FAM13A: variants seen among roughly 807,000 people sequenced by gnomAD.
FAM13A encodes family with sequence similarity 13 member A.
Under a neutral mutation model 129.6 loss-of-function variants are expected in FAM13A, and 76 were observed. The observed-to-expected ratio is 0.59, with a 90% CI of 0.49 to 0.71. The LOEUF (loss-of-function observed/expected upper bound fraction) is 0.71, where lower values mean the gene tolerates loss of function less well. Among genes scored for constraint, FAM13A ranks in the 30% least tolerant of loss-of-function variants. The pLI, the probability that FAM13A is intolerant of heterozygous loss-of-function variation, is 0.00. For missense variants in FAM13A, 1,108 were observed against 1,249.3 expected (o/e 0.89, Z 1.70); for synonymous variants, 443 against 449.9 (o/e 0.98, Z 0.20).
At chr4:88,796,013 T>A (rs1483521399) in intron 8 of FAM13A, among the ~76,000 whole-genome samples, 1 of 151,774 alleles carries the variant, frequency 6.6e-6, no homozygotes, top group Non-Finnish European at 1.5e-5. Context: ...CGAATTCAAG[T>A]ATCAGTTCTG....
At position 89,057,083 on chromosome 4, in the gene FAM13A, A is replaced by G. The variant is rs1399375314; in HGVS notation, c.-119T>C. Reference sequence around the variant, plus strand: ...TGATGTGAAAAACAGCTCCCAATGCAAAGGCCCCAAGGTAAGCGAAGAGCA... The same window carrying G: ...TGATGTGAAAAACAGCTCCCAATGCGAAGGCCCCAAGGTAAGCGAAGAGCA... On this transcript the variant is annotated 5_prime_UTR_variant, in exon 1 of 24. Transcript: ENST00000264344. 1 of 1,541,088 alleles carries G rather than the reference A, an allele frequency of 6.5e-7. No individual in the cohort carries two copies. The highest frequency in any genetic ancestry group is 1.4e-5 in the African/African-American group (1 of 72,484).
At chr4:88,976,905 C>G (rs933125603) in intron 4 of FAM13A, among the ~76,000 whole-genome samples, 1 of 152,086 alleles carries the variant, frequency 6.6e-6, no homozygotes, top group Non-Finnish European at 1.5e-5. Context: ...AGTACAGTAA[C>G]ATGGTGTACA....
At chr4:88,919,618 G>A (rs1470758289) in intron 5 of FAM13A, among the ~76,000 whole-genome samples, 2 of 152,220 alleles carry the variant, frequency 1.3e-5, no homozygotes, top group African/African-American at 4.8e-5. Flanking sequence ...CAGCATGAGC[G>A]ACGCAGAAGA....
chr4:88,873,350 G>A (rs946907546), intron 6 of FAM13A, among the ~76,000 whole-genome samples: 4 of 152,104 alleles, frequency 2.6e-5, no homozygotes, highest in East Asian at 1.9e-4. Flanking sequence ...ATGAATCCAG[G>A]AGCTGGTTTT....
chr4:88,901,388 C>A (rs987669349), intron 6 of FAM13A, among the ~76,000 whole-genome samples: 4 of 151,966 alleles, frequency 2.6e-5, no homozygotes, highest in African/African-American at 9.7e-5. Context: ...ATCACATAAT[C>A]GGAAGTAAAA....
chr4:88,859,613 G>T (rs1055483307), intron 6 of FAM13A, among the ~76,000 whole-genome samples: 1 of 152,204 alleles, frequency 6.6e-6, no homozygotes. Context: ...TTACAAGAGA[G>T]GAAGCATGAA....
Position 88,931,138 on chromosome 4 carries a change from G to A in FAM13A, c.759+6950C>T, listed in dbSNP as rs1752968034. ...ACAGCAGCTCACAGCAGGGTGGCAG[G>A]GACCCTCCCATGGGTGCATGGGAGT... On this transcript the variant is annotated intron_variant, in intron 5 of 23. Transcript: ENST00000264344. Among the ~76,000 whole-genome samples, 12 of 152,102 alleles carry A rather than the reference G, an allele frequency of 7.9e-5. No homozygotes were observed. In the South Asian group the frequency reaches 2.5e-3, roughly 32 times the overall value.
At chr4:88,872,926 T>C (rs1244505963) in intron 6 of FAM13A, among the ~76,000 whole-genome samples, 2 of 152,068 alleles carry the variant, frequency 1.3e-5, no homozygotes, top group Admixed American at 6.5e-5. Context: ...TAACAGAAAT[T>C]ATAACAAACT....
intron 6 of FAM13A, among the ~76,000 whole-genome samples, chr4:88,877,945 T>C (rs544755745): frequency 6.6e-6 from 1 of 152,232 alleles, no homozygotes; most frequent in Non-Finnish European, 1.5e-5. Flanking sequence ...TTTGTGAACA[T>C]TTTCTGACAC....
intron 11 of FAM13A, 108 bp downstream of exon 11, chr4:88,781,057 C>A: frequency 1.5e-6 from 1 of 664,174 alleles, no homozygotes; most frequent in Non-Finnish European, 2.4e-6. Context: ...AGGTCTCTTC[C>A]AGCACTCAAA....
At chr4:88,739,161 T>C in intron 19 of FAM13A, 36 bp from the exon 20 acceptor site, 2 of 1,452,704 alleles carry the variant, frequency 1.4e-6, no homozygotes, top group East Asian at 2.3e-5. Flanking sequence ...AGAAGCCTGC[T>C]GCTGGGAGTC....
intron 21 of FAM13A, among the ~76,000 whole-genome samples, chr4:88,735,924 A>G (rs1738889167): frequency 6.6e-6 from 1 of 152,218 alleles, no homozygotes; most frequent in Non-Finnish European, 1.5e-5. Flanking sequence ...TCATTAGGTT[A>G]TCTTCAATTC....
At chr4:88,758,042 G>A (rs1049608477) in intron 14 of FAM13A, among the ~76,000 whole-genome samples, 2 of 152,182 alleles carry the variant, frequency 1.3e-5, no homozygotes, top group African/African-American at 4.8e-5. Flanking sequence ...GTGTTTGGAT[G>A]CAGACACATG....
At position 88,942,797 on chromosome 4, in the gene FAM13A, T is replaced by C. The variant is rs570439479; in HGVS notation, c.606-4556A>G. 7.9e-5 allele frequency among the ~76,000 whole-genome samples: 12 copies of C among 152,242 alleles called. 1 individual carries two copies. The South Asian group carries it at 2.5e-3, about 32-fold the overall frequency. ...CCTATTTTCTTTGAAAAAAATAGTC[T>C]CCTTACAAGGTGAAAAATTGAGCTT... is the stretch of plus-strand genomic sequence containing the variant. On this transcript the variant is annotated intron_variant, in intron 4 of 23. Transcript: ENST00000264344.
chr4:89,051,954 T>C (rs1244446327), intron 1 of FAM13A, among the ~76,000 whole-genome samples: 1 of 152,198 alleles, frequency 6.6e-6, no homozygotes, highest in Non-Finnish European at 1.5e-5. Flanking sequence ...CCTGCCCCCA[T>C]GGCTTTGGTG....
At chr4:88,846,798 A>G (rs560263460) in intron 7 of FAM13A, among the ~76,000 whole-genome samples, 1 of 152,348 alleles carries the variant, frequency 6.6e-6, no homozygotes, top group South Asian at 2.1e-4. Context: ...TAAGTAGAAG[A>G]TTTGGAGAAA....
intron 6 of FAM13A, among the ~76,000 whole-genome samples, chr4:88,871,977 T>C (rs954923951): frequency 4.6e-5 from 7 of 151,894 alleles, no homozygotes; most frequent in Admixed American, 4.6e-4. Context: ...CAGAAGAGAG[T>C]GGGGGCCAAT....
At chr4:88,993,286 TAATG>T (rs918537503) in intron 3 of FAM13A, among the ~76,000 whole-genome samples, 5 of 152,330 alleles carry the variant, frequency 3.3e-5, no homozygotes, top group Non-Finnish European at 7.4e-5. Context: ...AATAAACAAA[TAATG>T]AACCAAGAGA....
chr4:88,776,620 T>G lies in FAM13A; in HGVS notation c.1458+4545A>C, dbSNP rs183896575. On this transcript the variant is annotated intron_variant, in intron 11 of 23. Transcript: ENST00000264344. ...CATTTAAATTGCTTCTAATTCTCCA[T>G]GATTATAAATAGCCTTGTGGTGAGC... Among the ~76,000 whole-genome samples the G allele has an allele frequency of 3.3e-5, 5 of 152,330 alleles. No homozygotes were observed. In the East Asian group the frequency reaches 9.6e-4, roughly 29 times the overall value.
Sources: gnomAD v4.1 joint callset for allele counts (sites outside exome capture counted in the v4.1 genomes callset) on GRCh38, gnomAD v4.1.1 for gene constraint, MANE v1.5 for transcripts, NCBI Gene and HGNC (gene_info 2026-07-23, HGNC 2026-07-21) for gene names.